Variants in SLC45A3 observed in about 807,000 individuals in gnomAD.
SLC45A3 encodes the protein prostate cancer associated protein 2.
In SLC45A3, 17 loss-of-function variants were observed where a neutral mutation model predicts 35.3. The ratio of observed to expected loss-of-function variants is 0.48; its 90% CI spans 0.33 to 0.72. SLC45A3 has a LOEUF of 0.72. SLC45A3 is among the 30% of genes least tolerant of loss of function. The pLI, the probability that SLC45A3 is intolerant of heterozygous loss-of-function variation, is 0.02. For missense variants in SLC45A3, 597 were observed against 731.7 expected (o/e 0.82, Z 2.12); for synonymous variants, 288 against 334.3 (o/e 0.86, Z 1.51).
chr1:205,663,306 G>C lies in SLC45A3; in HGVS notation c.485C>G (p.Ser162Cys). ...RDPDHCRQAY[S>C]VYAFMISLGG... Reference sequence around the variant, plus strand: ...AAGACTGATCATGAAGGCATAGACAGAGTAGGCCTGGCGACAGTGGTCCGG... The same window carrying C: ...AAGACTGATCATGAAGGCATAGACACAGTAGGCCTGGCGACAGTGGTCCGG... Residue 162 changes from serine (S) to cysteine (C), a missense_variant, in exon 3 of 5, where the codon TCT (serine) becomes TGT (cysteine). Physicochemically the swap from Ser to Cys is moderately radical, Grantham distance 112 (BLOSUM62 -1). This residue lies in a region of SLC45A3 where 555 missense variants were observed against 664.9 expected (regional missense o/e 0.83). Coordinates refer to ENST00000367145, the MANE Select transcript of SLC45A3 (RefSeq NM_033102.3). The C allele has an allele frequency of 6.2e-7, 1 of 1,613,458 alleles. No homozygotes were observed. Among genetic ancestry groups the C allele is most frequent in the Non-Finnish European group, 8.5e-7 (1 of 1,180,032 alleles).
Position 205,662,933 on chromosome 1 carries a change from CAT to C in SLC45A3, c.856_857del (p.Met286AspfsTer22), listed in dbSNP as rs1671053350. On this transcript the variant is annotated frameshift_variant, in exon 3 of 5. Coordinates refer to ENST00000367145, the MANE Select transcript of SLC45A3 (RefSeq NM_033102.3). LOFTEE classifies it high-confidence loss of function. The surrounding 1 kb of genome is among the most constrained non-coding windows in gnomAD (Gnocchi z 6.2). ...AATCCGTGTAAAACAGCGTGAAGGT[CAT>C]GAGTGCCATCCAGCTGCACAGCTCA... The part of the protein sequence containing the change: ...VAELCSWMAL[M>X]TFTLFYTDFV... 6.2e-7 allele frequency: 1 copy of C among 1,613,530 alleles called. No homozygotes were observed. Among genetic ancestry groups the C allele is most frequent in the Non-Finnish European group, 8.5e-7 (1 of 1,180,022 alleles).
chr1:205,676,619 T>C (rs1170253905), intron 1 of SLC45A3, among the ~76,000 whole-genome samples: 1 of 152,032 alleles, frequency 6.6e-6, no homozygotes, highest in Non-Finnish European at 1.5e-5. Flanking sequence ...ATGTCCAACA[T>C]CAGAAGCAAG....
In SLC45A3 at chr1:205,664,829, T is replaced by C. The variant is rs1420919137; in HGVS notation, c.-173A>G. 1 of 1,429,762 alleles carries C rather than the reference T, an allele frequency of 7.0e-7. No individual in the cohort carries two copies. The highest frequency in any genetic ancestry group is 1.4e-5 in the African/African-American group (1 of 69,614). The allele number at this position is 1,429,762 out of a possible 1,614,324, so 88.6% of individuals were successfully genotyped here. A position where few individuals can be genotyped will look rare whatever the true frequency, so the allele number is the denominator to read the frequency against. On this transcript the variant is annotated 5_prime_UTR_variant, in exon 2 of 5. It removes an upstream start codon present in the reference 5' UTR. Transcript: ENST00000367145. This position sits in a 1 kb window ranked among gnomAD's most constrained non-coding sequence, Gnocchi z 5.3. ...GGTGCCGGTCCAGCTTCTCAGCCCA[T>C]GCTCAACACCTGCTGCTGTGGGGCA...
At chr1:205,665,060 C>A (rs570287993) in intron 1 of SLC45A3, among the ~76,000 whole-genome samples, 174 bp from the exon 2 acceptor site, 1 of 152,336 alleles carries the variant, frequency 6.6e-6, no homozygotes, top group South Asian at 2.1e-4. Flanking sequence ...TATTAGCCTA[C>A]GGCTGACATA....
Position 205,659,165 on chromosome 1 carries a change from G to T in SLC45A3, c.*69C>A. On this transcript the variant is annotated 3_prime_UTR_variant, in exon 5 of 5. Coordinates refer to ENST00000367145, the MANE Select transcript of SLC45A3 (RefSeq NM_033102.3). The surrounding 1 kb of genome is among the most constrained non-coding windows in gnomAD (Gnocchi z 5.8). ...CTGGCGGCCAGCCCGGCAGCCCCAT[G>T]GGGCTAACAGGAGCGGGGAGCTGGG... The T allele has an allele frequency of 6.7e-7, 1 of 1,500,164 alleles. No homozygotes were observed. The highest frequency in any genetic ancestry group is 1.4e-5 in the African/African-American group (1 of 71,848). 92.9% of individuals were successfully genotyped at this position (1,500,164 alleles called of 1,614,324 possible).
rs754581481 is a variant in SLC45A3 at position 205,661,929 on chromosome 1, C to T, written c.1156G>A (p.Gly386Arg). The change falls in exon 4 of 5, where the codon GGG (glycine) becomes AGG (arginine). Residue 386 changes from glycine to arginine, a missense_variant. Around this residue, in one of 3 missense-constraint regions of SLC45A3, gnomAD observed 555 missense variants for 664.9 expected, o/e 0.83. Coordinates refer to ENST00000367145, the MANE Select transcript of SLC45A3 (RefSeq NM_033102.3). ...AVVTASAALT[G>R]FTFSALQILP... is the part of the protein sequence containing the mutation. ...ATCTGCAGGGCTGAGAAGGTGAACC[C>T]GGTGAGGGCGGCTGAAGCTGTCACC... 6 of 1,614,168 alleles carry T rather than the reference C, an allele frequency of 3.7e-6. No homozygotes were observed. The highest frequency in any genetic ancestry group is 1.7e-5 in the Admixed American group (1 of 60,020).
chr1:205,663,423 G>A lies in SLC45A3; in HGVS notation c.368C>T (p.Ala123Val), dbSNP rs1309521887. Residue 123 changes from alanine (A) to valine (V), a missense_variant, in exon 3 of 5, where the codon GCA becomes GTA. Physicochemically the swap from Ala to Val is moderately conservative, Grantham distance 64. Coordinates refer to ENST00000367145, the MANE Select transcript of SLC45A3 (RefSeq NM_033102.3). ...CAGCCCCACGCCCAGGATGAGCAGT[G>A]CCAGCTCCAGGGGCCTGGGATCCGG... ...LCPDPRPLEL[A>V]LLILGVGLLD... 3 of 1,612,844 alleles carry A rather than the reference G, an allele frequency of 1.9e-6. No homozygotes were observed. Among genetic ancestry groups the A allele is most frequent in the Non-Finnish European group, 8.5e-7 (1 of 1,179,836 alleles).
In SLC45A3 at chr1:205,658,194, G is replaced by A. The variant is rs1455949813; in HGVS notation, c.*1040C>T. 1 of 232,242 alleles carries A rather than the reference G, an allele frequency of 4.3e-6. No individual in the cohort carries two copies. Among genetic ancestry groups the A allele is most frequent in the Non-Finnish European group, 8.5e-6 (1 of 117,444 alleles). The allele number at this position is 232,242 out of a possible 1,614,324, so 14.4% of individuals were successfully genotyped here. Reference sequence around the variant, plus strand: ...AAGTTGGGGGTAGGGGAAATTTTGGGCAGTGCCTTCATCAGCCCAGTCCTA... The same window carrying A: ...AAGTTGGGGGTAGGGGAAATTTTGGACAGTGCCTTCATCAGCCCAGTCCTA... On this transcript the variant is annotated 3_prime_UTR_variant, in exon 5 of 5. Coordinates refer to ENST00000367145, the MANE Select transcript of SLC45A3 (RefSeq NM_033102.3).
intron 1 of SLC45A3, among the ~76,000 whole-genome samples, chr1:205,671,648 C>T (rs2102408314): frequency 6.6e-6 from 1 of 152,282 alleles, no homozygotes; most frequent in Non-Finnish European, 1.5e-5. Flanking sequence ...TACCTGAGGT[C>T]AAGAAGTTTG....
At chr1:205,667,282 A>C (rs917569970) in intron 1 of SLC45A3, among the ~76,000 whole-genome samples, 2 of 152,122 alleles carry the variant, frequency 1.3e-5, no homozygotes, top group African/African-American at 4.8e-5. Flanking sequence ...AAAGCAGGCA[A>C]ATTACCTGAG....
intron 4 of SLC45A3, 119 bp downstream of exon 4, chr1:205,661,742 C>A: frequency 7.1e-7 from 1 of 1,404,516 alleles, no homozygotes; most frequent in Non-Finnish European, 9.5e-7. Context: ...AGCTTCTTCT[C>A]TGATTCAAAG....
In SLC45A3 at chr1:205,659,124, T is replaced by C. The variant is rs1670971115; in HGVS notation, c.*110A>G. On this transcript the variant is annotated 3_prime_UTR_variant, in exon 5 of 5. Coordinates refer to ENST00000367145, the MANE Select transcript of SLC45A3 (RefSeq NM_033102.3). The surrounding 1 kb of genome is among the most constrained non-coding windows in gnomAD (Gnocchi z 5.8). ...GGTGGCAGCAGAGAGCCACATTACT[T>C]TGGCAGCAACAGAAACTGGCGGCCA... is the stretch of plus-strand genomic sequence containing the variant. 8.7e-7 allele frequency: 1 copy of C among 1,154,926 alleles called. No individual in the cohort carries two copies. The highest frequency in any genetic ancestry group is 1.5e-5 in the South Asian group (1 of 66,634). 71.5% of individuals were successfully genotyped at this position (1,154,926 alleles called of 1,614,324 possible).
chr1:205,670,941 A>AGGG (rs1348809995), intron 1 of SLC45A3, among the ~76,000 whole-genome samples: 7 of 152,124 alleles, frequency 4.6e-5, no homozygotes, highest in Non-Finnish European at 8.8e-5. Context: ...ACTCACCCCC[A>AGGG]ATGTGTGAAA....
chr1:205,671,108 C>T (rs1380335806), intron 1 of SLC45A3, among the ~76,000 whole-genome samples: 1 of 152,214 alleles, frequency 6.6e-6, no homozygotes, highest in African/African-American at 2.4e-5. Context: ...ACTGCCCTCC[C>T]CTCCCCTCTC....
Position 205,664,214 on chromosome 1 carries a change from G to C in SLC45A3, c.172+271C>G, listed in dbSNP as rs554018400. On this transcript the variant is annotated intron_variant, in intron 2 of 4. Coordinates refer to ENST00000367145, the MANE Select transcript of SLC45A3 (RefSeq NM_033102.3). This position sits in a 1 kb window ranked among gnomAD's most constrained non-coding sequence, Gnocchi z 5.3. Reference sequence around the variant, plus strand: ...GATAATCGCTATAAATTATAAAAGGGCTAGCCAAAGGTTAGGAGCATTTCT... The same window carrying C: ...GATAATCGCTATAAATTATAAAAGGCCTAGCCAAAGGTTAGGAGCATTTCT... Among the ~76,000 whole-genome samples, 1 of 152,308 alleles carries C rather than the reference G, an allele frequency of 6.6e-6. No individual in the cohort carries two copies. The highest frequency in any genetic ancestry group is 2.1e-4 in the South Asian group (1 of 4,824).
In SLC45A3 at chr1:205,659,633, A is replaced by G. The variant is rs765570956; in HGVS notation, c.1263T>C (p.Ala421=). The G allele has an allele frequency of 1.3e-6, 2 of 1,536,892 alleles. No homozygotes were observed. The highest frequency in any genetic ancestry group is 8.7e-7 in the Non-Finnish European group (1 of 1,145,272). ...TGGTCATCAGGCTGTCCTCACTGCT[A>G]GCACCTCCAGTGTCCCCTCGGTATT... ...LPKYRGDTGG[A]SSEDSLMTSF... Residue 421 remains alanine, a synonymous_variant, in exon 5 of 5, where the codon GCT becomes GCC. Coordinates refer to ENST00000367145, the MANE Select transcript of SLC45A3 (RefSeq NM_033102.3). This position sits in a 1 kb window ranked among gnomAD's most constrained non-coding sequence, Gnocchi z 5.8.
In SLC45A3 at chr1:205,659,462, G is replaced by C. The variant is rs547421942; in HGVS notation, c.1434C>G (p.Thr478=). 6.2e-7 allele frequency: 1 copy of C among 1,614,034 alleles called. No homozygotes were observed. Among genetic ancestry groups the C allele is most frequent in the Non-Finnish European group, 8.5e-7 (1 of 1,179,978 alleles). The change falls in exon 5 of 5, where the codon ACC becomes ACG. Residue 478 remains threonine (T), a synonymous_variant. Coordinates refer to ENST00000367145, the MANE Select transcript of SLC45A3 (RefSeq NM_033102.3). This position sits in a 1 kb window ranked among gnomAD's most constrained non-coding sequence, Gnocchi z 5.8. ...CCCGGCCCGGAACCACCCTGGCCTC[G>C]GTGGGCTCACCCACCACCACACGTA... ...VSVRVVVGEP[T]EARVVPGRGI...
rs1274677125 is a variant in SLC45A3 at position 205,664,754 on chromosome 1, G to A, written c.-98C>T. Reference sequence around the variant, plus strand: ...GAAGCTGCGGCCTCTCCTCCTTGCTGCCGCCAACTGCCTAGGAATCAGCCA... The same window carrying A: ...GAAGCTGCGGCCTCTCCTCCTTGCTACCGCCAACTGCCTAGGAATCAGCCA... On this transcript the variant is annotated 5_prime_UTR_variant, in exon 2 of 5. Transcript: ENST00000367145. This position sits in a 1 kb window ranked among gnomAD's most constrained non-coding sequence, Gnocchi z 5.3. The A allele has an allele frequency of 4.7e-6, 7 of 1,496,952 alleles. No homozygotes were observed. Among genetic ancestry groups the A allele is most frequent in the Non-Finnish European group, 5.3e-6 (6 of 1,128,222 alleles). The allele number at this position is 1,496,952 out of a possible 1,614,324, so 92.7% of individuals were successfully genotyped here. A position where few individuals can be genotyped will look rare whatever the true frequency, so the allele number is the denominator to read the frequency against.
At chr1:205,670,919 C>T (rs1373070099) in intron 1 of SLC45A3, among the ~76,000 whole-genome samples, 2 of 152,216 alleles carry the variant, frequency 1.3e-5, no homozygotes, top group Non-Finnish European at 2.9e-5. Flanking sequence ...AGGGCAATGG[C>T]TCCCTCCCCC....
Sources: allele counts gnomAD v4.1 joint callset (sites outside exome capture counted in the v4.1 genomes callset), GRCh38; gene constraint gnomAD v4.1.1; regional missense constraint gnomAD v4.1.1; non-coding constraint Gnocchi (gnomAD v3.1); transcripts MANE v1.5; gene names NCBI Gene and HGNC (gene_info 2026-07-23, HGNC 2026-07-21).